MNAT1: variants seen among roughly 807,000 people sequenced by gnomAD.
MNAT1 encodes CDK-activating kinase assembly factor MAT1.
Under a neutral mutation model 42.0 loss-of-function variants are expected in MNAT1, and 43 were observed. That is an observed-to-expected ratio of 1.02 (90% CI 0.80 to 1.32). The LOEUF is 1.32. Among genes scored for constraint, MNAT1 ranks in the 40% most tolerant of loss-of-function variants. MNAT1 has a pLI of 0.00. For missense variants in MNAT1, 306 were observed against 350.4 expected (o/e 0.87, Z 1.01); for synonymous variants, 118 against 120.0 (o/e 0.98, Z 0.11).
intron 7 of MNAT1, among the ~76,000 whole-genome samples, chr14:60,886,669 A>G (rs903555921): frequency 6.6e-6 from 1 of 151,544 alleles, no homozygotes; most frequent in African/African-American, 2.4e-5. Flanking sequence ...TTTTTTTTTC[A>G]GATACTTCAC....
In MNAT1 at chr14:60,872,957, A is replaced by G. The variant is rs541799121; in HGVS notation, c.688-6757A>G. Among the ~76,000 whole-genome samples, 5 of 152,030 alleles carry G rather than the reference A, an allele frequency of 3.3e-5. No individual in the cohort carries two copies. In the South Asian group the frequency reaches 1.0e-3, roughly 32 times the overall value. On this transcript the variant is annotated intron_variant, in intron 6 of 7. Coordinates refer to ENST00000261245, the MANE Select transcript of MNAT1 (RefSeq NM_002431.4). ...TTTACTTTTAAATTCTTCATCTGGC[A>G]TCTCTCACTGACCTTTTCCTGCATA...
chr14:60,819,687 T>C (rs1034205724), intron 6 of MNAT1, among the ~76,000 whole-genome samples: 2 of 152,170 alleles, frequency 1.3e-5, no homozygotes, highest in African/African-American at 4.8e-5. Flanking sequence ...AAAAAAGTTG[T>C]GGCAGCACTA....
At chr14:60,868,338 A>C (rs958383785) in intron 6 of MNAT1, among the ~76,000 whole-genome samples, 1 of 152,142 alleles carries the variant, frequency 6.6e-6, no homozygotes, top group African/African-American at 2.4e-5. Flanking sequence ...ACTTCAATTG[A>C]TTTTCTAAAA....
chr14:60,764,333 T>C (rs749167066), intron 1 of MNAT1, among the ~76,000 whole-genome samples: 6 of 152,194 alleles, frequency 3.9e-5, no homozygotes, highest in Non-Finnish European at 8.8e-5. Flanking sequence ...GGAAGATCAA[T>C]GCCATTTTTC....
chr14:60,755,070 G>A (rs1347817800), intron 1 of MNAT1, among the ~76,000 whole-genome samples: 1 of 152,036 alleles, frequency 6.6e-6, no homozygotes, highest in Admixed American at 6.6e-5. Context: ...CATGATCACG[G>A]CTCACTGTAA....
rs112687257 is a variant in MNAT1 at position 60,883,792 on chromosome 14, C to T, written c.809+3957C>T. On this transcript the variant is annotated intron_variant, in intron 7 of 7. Coordinates refer to ENST00000261245, the MANE Select transcript of MNAT1 (RefSeq NM_002431.4). ...TAGTTTTCATAGTAGAGATCTTTCA[C>T]TTATTTGGTTAATTCCTAGGTATTT... Among the ~76,000 whole-genome samples the T allele has an allele frequency of 4.6e-4, 70 of 152,048 alleles. 1 individual carries two copies. The highest frequency in any genetic ancestry group is 1.6e-3 in the African/African-American group (67 of 41,490).
chr14:60,910,544 G>C (rs868073818), intron 7 of MNAT1, among the ~76,000 whole-genome samples: 1 of 152,268 alleles, frequency 6.6e-6, no homozygotes, highest in South Asian at 2.1e-4. Context: ...AAGCATTGTC[G>C]AATTTTGTCA....
intron 1 of MNAT1, among the ~76,000 whole-genome samples, chr14:60,744,246 A>G (rs1324329067): frequency 6.6e-6 from 1 of 152,006 alleles, no homozygotes; most frequent in African/African-American, 2.4e-5. Flanking sequence ...ATTCTCCTGC[A>G]TCAGCCTCCC....
intron 1 of MNAT1, among the ~76,000 whole-genome samples, chr14:60,777,898 G>C (rs1438550636): frequency 2.0e-5 from 3 of 152,150 alleles, no homozygotes; most frequent in African/African-American, 7.2e-5. Flanking sequence ...CATACAAATA[G>C]CTAGATGGTT....
chr14:60,834,838 A>G (rs559428778), intron 6 of MNAT1, among the ~76,000 whole-genome samples: 3 of 152,062 alleles, frequency 2.0e-5, no homozygotes, highest in Non-Finnish European at 2.9e-5. Context: ...TGCTTTATGA[A>G]TCTGGGTGCT....
At chr14:60,851,276 G>T (rs2033813694) in intron 6 of MNAT1, among the ~76,000 whole-genome samples, 1 of 152,120 alleles carries the variant, frequency 6.6e-6, no homozygotes, top group Non-Finnish European at 1.5e-5. Context: ...TTATGAATTT[G>T]TACTTCTTTG....
intron 6 of MNAT1, among the ~76,000 whole-genome samples, chr14:60,820,465 A>C (rs1352779527): frequency 6.6e-6 from 1 of 151,680 alleles, no homozygotes; most frequent in Non-Finnish European, 1.5e-5. Flanking sequence ...TATAGTATAT[A>C]TAATATTAAA....
chr14:60,746,573 A>G (rs1422321649), intron 1 of MNAT1, among the ~76,000 whole-genome samples: 2 of 151,418 alleles, frequency 1.3e-5, no homozygotes, highest in African/African-American at 2.4e-5. Context: ...TGACCTTGCA[A>G]CATTAATAAA....
intron 1 of MNAT1, among the ~76,000 whole-genome samples, chr14:60,758,924 C>T (rs1320928760): frequency 1.3e-5 from 2 of 152,088 alleles, no homozygotes; most frequent in African/African-American, 2.4e-5. Context: ...TACCCCTAAC[C>T]TTTGCATAAA....
chr14:60,866,517 G>A (rs971397426), intron 6 of MNAT1, among the ~76,000 whole-genome samples: 3 of 151,816 alleles, frequency 2.0e-5, no homozygotes, highest in East Asian at 3.9e-4. Context: ...CATTTTTCAG[G>A]GAGGGAAAAA....
At chr14:60,806,554 G>A (rs1300454740) in intron 3 of MNAT1, among the ~76,000 whole-genome samples, 1 of 152,222 alleles carries the variant, frequency 6.6e-6, no homozygotes, top group Non-Finnish European at 1.5e-5. Flanking sequence ...TAATGGCTGG[G>A]CATGGTGGCT....
At position 60,884,545 on chromosome 14, in the gene MNAT1, TAAAC is replaced by T. The variant is rs537752090; in HGVS notation, c.809+4726_809+4729del. Among the ~76,000 whole-genome samples, 386 of 152,206 alleles carry T rather than the reference TAAAC, an allele frequency of 2.5e-3. 2 individuals carry two copies. The highest frequency in any genetic ancestry group is 8.1e-3 in the African/African-American group (338 of 41,572). On this transcript the variant is annotated intron_variant, in intron 7 of 7. Transcript: ENST00000261245. ...TGATGACAACTTAAGGTTGATAGCATAAACAAACAAACAAACAAATAAGCAAAAT... is the reference window on the plus strand; with the variant it reads ...TGATGACAACTTAAGGTTGATAGCATAAACAAACAAACAAATAAGCAAAAT...
At chr14:60,756,487 A>C (rs1440839215) in intron 1 of MNAT1, among the ~76,000 whole-genome samples, 1 of 152,216 alleles carries the variant, frequency 6.6e-6, no homozygotes, top group East Asian at 1.9e-4. Flanking sequence ...TGATCATGGA[A>C]GAATTTTAAA....
At chr14:60,743,752 T>C (rs1055432658) in intron 1 of MNAT1, among the ~76,000 whole-genome samples, 9 of 152,254 alleles carry the variant, frequency 5.9e-5, no homozygotes, top group Non-Finnish European at 8.8e-5. Context: ...CATTTCATTG[T>C]TCTCTAGTGT....
Sources: allele counts gnomAD v4.1 joint callset (sites outside exome capture counted in the v4.1 genomes callset), GRCh38; gene constraint gnomAD v4.1.1; transcripts MANE v1.5; gene names NCBI Gene and HGNC (gene_info 2026-07-23, HGNC 2026-07-21).